The following PFDN1 variants were observed in gnomAD, a reference collection of about 807,000 sequenced individuals.
PFDN1 encodes prefoldin subunit 1, also known as prefoldin 1.
A neutral mutation model predicts 17.3 loss-of-function variants in PFDN1; 6 were observed. The ratio of observed to expected loss-of-function variants is 0.35; its 90% CI spans 0.19 to 0.69. PFDN1 has a LOEUF of 0.69. Ranked by LOEUF, PFDN1 falls within the 30% of genes least tolerant of loss-of-function variation. PFDN1 has a pLI of 0.65. For missense variants in PFDN1, 113 were observed against 146.2 expected, an observed-to-expected ratio of 0.77 and a Z score of 1.17; for synonymous variants, 58 against 50.1, an observed-to-expected ratio of 1.16 and a Z score of -0.67.
chr5:140,294,368 T>A (rs1765622940), intron 2 of PFDN1, among the ~76,000 whole-genome samples: 1 of 152,202 alleles, frequency 6.6e-6, no homozygotes, highest in East Asian at 1.9e-4. Context: ...AAATATAGTA[T>A]GACCATTTCT....
intron 3 of PFDN1, among the ~76,000 whole-genome samples, chr5:140,264,574 C>T (rs915051770): frequency 1.3e-5 from 2 of 152,016 alleles, no homozygotes; most frequent in Admixed American, 1.3e-4. Flanking sequence ...CATGGTGGGT[C>T]ATGCCTGTAA....
rs58605224 is a variant in PFDN1 at position 140,264,020 on chromosome 5, C to CAA, written c.285+17427_285+17428dup. Among the ~76,000 whole-genome samples the CAA allele has an allele frequency of 1.0e-3, 57 of 55,554 alleles. 14 individuals are homozygous for CAA. The highest frequency in any genetic ancestry group is 1.2e-3 in the African/African-American group (13 of 11,116). 36.4% of individuals were successfully genotyped at this position (55,554 alleles called of 152,430 possible). A position where few individuals can be genotyped will look rare whatever the true frequency, so the allele number is the denominator to read the frequency against. On this transcript the variant is annotated intron_variant, in intron 3 of 3. Coordinates refer to ENST00000261813, the MANE Select transcript of PFDN1 (RefSeq NM_002622.5). ...TGGGGGTCAGAGTGAGACTCCATCT[C>CAA]AAAAAAAAAAAAAAAAAAAAAAAAA...
At chr5:140,279,995 C>CAAAAAAAAAAAAAAAAAAAAAAAAAAA (rs772575762) in intron 3 of PFDN1, among the ~76,000 whole-genome samples, 13 of 31,258 alleles carry the variant, frequency 4.2e-4, no homozygotes, top group Non-Finnish European at 4.8e-4. Flanking sequence ...AACTCCGTCT[C>CAAAAAAAAAAAAAAAAAAAAAAAAAAA]AAAAAAAAAA....
chr5:140,293,575 G>A (rs1216573510), intron 2 of PFDN1, among the ~76,000 whole-genome samples: 1 of 151,872 alleles, frequency 6.6e-6, no homozygotes, highest in African/African-American at 2.4e-5. Context: ...CTTTAGACTG[G>A]GGCATATGGG....
intron 3 of PFDN1, among the ~76,000 whole-genome samples, chr5:140,248,541 C>T (rs1045364166): frequency 2.6e-5 from 4 of 152,168 alleles, no homozygotes; most frequent in Admixed American, 6.5e-5. Context: ...AGGGGAAAGG[C>T]GAATGGAATA....
chr5:140,251,987 AG>A (rs1371380524), intron 3 of PFDN1, among the ~76,000 whole-genome samples: 1 of 147,080 alleles, frequency 6.8e-6, no homozygotes, highest in Non-Finnish European at 1.5e-5. Flanking sequence ...TCTCTAAATT[AG>A]TTTTTTTTTT....
At chr5:140,248,391 T>C (rs1764863135) in intron 3 of PFDN1, among the ~76,000 whole-genome samples, 1 of 152,096 alleles carries the variant, frequency 6.6e-6, no homozygotes, top group Admixed American at 6.5e-5. Flanking sequence ...AGACTTTAAC[T>C]GTGGTGAGCT....
chr5:140,270,415 A>G (rs115482043), intron 3 of PFDN1, among the ~76,000 whole-genome samples: 192 of 152,310 alleles, frequency 1.3e-3, no homozygotes, highest in African/African-American at 4.1e-3. Context: ...AAGGCACCCA[A>G]TGTATCCAAG....
chr5:140,245,615 A>G lies in PFDN1; in HGVS notation c.*359T>C. ...CACCCTCTGTTCCATCCCTCTGCTC[A>G]AGAAAACCAGGCTTAGCAGAGTGGG... On this transcript the variant is annotated 3_prime_UTR_variant, in exon 4 of 4. Transcript: ENST00000261813. 1 of 700,970 alleles carries G rather than the reference A, an allele frequency of 1.4e-6. No individual in the cohort carries two copies. The highest frequency in any genetic ancestry group is 2.6e-6 in the Non-Finnish European group (1 of 384,622). 43.4% of individuals were successfully genotyped at this position (700,970 alleles called of 1,614,324 possible).
At chr5:140,273,390 G>A (rs1765238881) in intron 3 of PFDN1, among the ~76,000 whole-genome samples, 1 of 152,122 alleles carries the variant, frequency 6.6e-6, no homozygotes, top group African/African-American at 2.4e-5. Flanking sequence ...GGGCAAAACT[G>A]GACATCCATC....
intron 2 of PFDN1, among the ~76,000 whole-genome samples, chr5:140,298,639 C>T (rs1446704269): frequency 4.0e-5 from 6 of 151,852 alleles, no homozygotes; most frequent in East Asian, 1.9e-4. Context: ...GTGAAATGTA[C>T]GAAGTTAATA....
chr5:140,247,063 G>A (rs1363547356), intron 3 of PFDN1, among the ~76,000 whole-genome samples: 1 of 152,188 alleles, frequency 6.6e-6, no homozygotes, highest in African/African-American at 2.4e-5. Context: ...CCATTAAAGT[G>A]CCCACAGGAC....
At chr5:140,285,290 G>A (rs1010192487) in intron 2 of PFDN1, among the ~76,000 whole-genome samples, 12 of 151,160 alleles carry the variant, frequency 7.9e-5, no homozygotes, top group African/African-American at 2.9e-4. Context: ...GGAGTTTGCA[G>A]TGAGCCGAGA....
chr5:140,260,874 G>A (rs1765055185), intron 3 of PFDN1, among the ~76,000 whole-genome samples: 1 of 151,828 alleles, frequency 6.6e-6, no homozygotes, highest in Non-Finnish European at 1.5e-5. Context: ...GAGAAGACAG[G>A]ACACGGGCCG....
At chr5:140,256,311 C>G (rs1196062113) in intron 3 of PFDN1, among the ~76,000 whole-genome samples, 1 of 151,892 alleles carries the variant, frequency 6.6e-6, no homozygotes, top group Non-Finnish European at 1.5e-5. Flanking sequence ...ACCCAGGAGG[C>G]AGATGTTGCA....
At chr5:140,258,997 T>C (rs932614797) in intron 3 of PFDN1, among the ~76,000 whole-genome samples, 3 of 152,184 alleles carry the variant, frequency 2.0e-5, no homozygotes, top group African/African-American at 7.2e-5. Flanking sequence ...AAATTCAACA[T>C]TTTAAGTCTG....
chr5:140,287,423 G>C (rs1462131729), intron 2 of PFDN1, among the ~76,000 whole-genome samples: 1 of 152,206 alleles, frequency 6.6e-6, no homozygotes, highest in Non-Finnish European at 1.5e-5. Context: ...TCTATTGCTA[G>C]TCACCAGAGG....
At chr5:140,250,477 T>G (rs1323744108) in intron 3 of PFDN1, among the ~76,000 whole-genome samples, 1 of 152,112 alleles carries the variant, frequency 6.6e-6, no homozygotes, top group Non-Finnish European at 1.5e-5. Flanking sequence ...TGCCCAATAC[T>G]CCCTATTCTC....
chr5:140,281,586 G>T, intron 2 of PFDN1, 53 bp from the exon 3 acceptor site: 2 of 846,246 alleles, frequency 2.4e-6, no homozygotes, highest in Non-Finnish European at 4.1e-6. Flanking sequence ...TGAATTCATC[G>T]AAATCAATAG....
Sources: allele counts gnomAD v4.1 joint callset (sites outside exome capture counted in the v4.1 genomes callset), GRCh38; gene constraint gnomAD v4.1.1; transcripts MANE v1.5; gene names NCBI Gene and HGNC (gene_info 2026-07-23, HGNC 2026-07-21).